DHTKD1: variants seen among roughly 807,000 people sequenced by gnomAD.
The protein encoded by DHTKD1 is dehydrogenase E1 and transketolase domain containing 1, also known as 2-oxoadipate dehydrogenase complex component E1.
In DHTKD1, 78 loss-of-function variants were observed where a neutral mutation model predicts 101.8. That is an observed-to-expected ratio of 0.77 (90% CI 0.64 to 0.93). DHTKD1 has a LOEUF of 0.93. Ranked by LOEUF, DHTKD1 falls within the 40% of genes least tolerant of loss-of-function variation. The pLI, the probability that DHTKD1 is intolerant of heterozygous loss-of-function variation, is 0.00. For missense variants in DHTKD1, 1,223 were observed against 1,161.7 expected, an observed-to-expected ratio of 1.05 and a Z score of -0.77; for synonymous variants, 462 against 450.3, an observed-to-expected ratio of 1.03 and a Z score of -0.33.
At chr10:12,090,409 T>C (rs200463852) in intron 5 of DHTKD1, among the ~76,000 whole-genome samples, 574 of 15,880 alleles carry the variant, frequency 0.036, 5 homozygotes, top group Middle Eastern at 0.1. Flanking sequence ...TCCTTCCTTT[T>C]TTCCTTCCTT....
At position 12,081,461 on chromosome 10, in the gene DHTKD1, C is replaced by T. The variant is rs756542628; in HGVS notation, c.155-11C>T. 4 of 1,612,764 alleles carry T rather than the reference C, an allele frequency of 2.5e-6. No homozygotes were observed. Among genetic ancestry groups the T allele is most frequent in the African/African-American group, 1.3e-5 (1 of 74,784 alleles). On this transcript the variant is annotated splice_polypyrimidine_tract_variant and intron_variant, in intron 1 of 16. Coordinates refer to ENST00000263035, the MANE Select transcript of DHTKD1 (RefSeq NM_018706.7). ...AAACTGTTTGCATTTTTAAATTTTCCCCTGATTTAGTTGATCATGGCCTTG... is the reference window on the plus strand; with the variant it reads ...AAACTGTTTGCATTTTTAAATTTTCTCCTGATTTAGTTGATCATGGCCTTG...
At chr10:12,105,391 C>G (rs572031689) in intron 10 of DHTKD1, among the ~76,000 whole-genome samples, 2 of 152,154 alleles carry the variant, frequency 1.3e-5, no homozygotes, top group South Asian at 4.2e-4. Flanking sequence ...TTATAGCTCA[C>G]TGTAGTTTCA....
intron 10 of DHTKD1, among the ~76,000 whole-genome samples, chr10:12,106,026 C>T (rs1334482305): frequency 3.9e-5 from 6 of 152,064 alleles, no homozygotes; most frequent in Non-Finnish European, 5.9e-5. Context: ...ACCTGGGAGG[C>T]GGAGGTTGCA....
At position 12,094,141 on chromosome 10, in the gene DHTKD1, C is replaced by T. The variant is rs397514534; in HGVS notation, c.1228C>T (p.Arg410Ter). 14 of 1,613,952 alleles carry T rather than the reference C, an allele frequency of 8.7e-6. No individual in the cohort carries two copies. Among genetic ancestry groups the T allele is most frequent in the African/African-American group, 1.3e-5 (1 of 74,900 alleles). The change falls in exon 7 of 17, where the codon CGA becomes TGA. Residue 410 changes from arginine to a stop codon, truncating the protein, a stop_gained. Coordinates refer to ENST00000263035, the MANE Select transcript of DHTKD1 (RefSeq NM_018706.7). LOFTEE classifies it high-confidence loss of function. ...DSPEEVVRAT[R>*]LAFEYQRQFR... ...CCCAGAGGAAGTGGTCCGTGCCACACGACTGGCTTTTGAATACCAACGCCA... is the reference window on the plus strand; with the variant it reads ...CCCAGAGGAAGTGGTCCGTGCCACATGACTGGCTTTTGAATACCAACGCCA...
chr10:12,087,349 C>A lies in DHTKD1; in HGVS notation c.523-186C>A, dbSNP rs1722444. Among the ~76,000 whole-genome samples, 11 of 152,176 alleles carry A rather than the reference C, an allele frequency of 7.2e-5. No individual in the cohort carries two copies. Among genetic ancestry groups the A allele is most frequent in the African/African-American group, 2.2e-4 (9 of 41,538 alleles). On this transcript the variant is annotated intron_variant, in intron 3 of 16. Coordinates refer to ENST00000263035, the MANE Select transcript of DHTKD1 (RefSeq NM_018706.7). The surrounding 1 kb of genome is among the most constrained non-coding windows in gnomAD (Gnocchi z 5.2). ...TTCTCCTCAGCCCCTCCTACTGTCC[C>A]GGATCCTAGGAAAACCATCCCGCTG...
At chr10:12,106,987 CTTTT>C (rs1184296488) in intron 11 of DHTKD1, among the ~76,000 whole-genome samples, 1 of 141,640 alleles carries the variant, frequency 7.1e-6, no homozygotes. Context: ...TTTTTCTTTT[CTTTT>C]TTTTTTTTTT....
chr10:12,095,263 A>G (rs1050681674), intron 7 of DHTKD1, among the ~76,000 whole-genome samples: 1 of 152,216 alleles, frequency 6.6e-6, no homozygotes, highest in African/African-American at 2.4e-5. Flanking sequence ...ATGTGCTGTA[A>G]GGATAATACA....
chr10:12,100,120 G>A, intron 8 of DHTKD1, 58 bp from the exon 9 acceptor site: 4 of 1,044,488 alleles, frequency 3.8e-6, no homozygotes, highest in Non-Finnish European at 4.3e-6. Context: ...TGTACTCATT[G>A]TGAAAAAGGA....
At chr10:12,092,769 C>G (rs912829242) in intron 6 of DHTKD1, among the ~76,000 whole-genome samples, 9 of 151,952 alleles carry the variant, frequency 5.9e-5, no homozygotes, top group African/African-American at 2.2e-4. Context: ...GGCCATTGCA[C>G]TACAGCGTGG....
At position 12,103,488 on chromosome 10, in the gene DHTKD1, AATCT is replaced by A. The variant is rs1483315256; in HGVS notation, c.1896+2308_1896+2311del. 1.2e-5 allele frequency among the ~76,000 whole-genome samples: 1 copy of A among 86,154 alleles called. No individual in the cohort carries two copies. 56.5% of individuals were successfully genotyped at this position (86,154 alleles called of 152,430 possible). A position where few individuals can be genotyped will look rare whatever the true frequency, so the allele number is the denominator to read the frequency against. On this transcript the variant is annotated intron_variant, in intron 10 of 16. Transcript: ENST00000263035. This position sits in a 1 kb window ranked among gnomAD's most constrained non-coding sequence, Gnocchi z 4.8. Reference sequence around the variant, plus strand: ...TTCCCCCAACTTCGTTGTACATCTCAATCTGTGTGTGTGTGTGTGTGTGTGTGTG... The same window carrying A: ...TTCCCCCAACTTCGTTGTACATCTCAGTGTGTGTGTGTGTGTGTGTGTGTG...
In DHTKD1 at chr10:12,120,251, A is replaced by C; in HGVS notation, c.2642A>C (p.Lys881Thr). The C allele has an allele frequency of 6.2e-7, 1 of 1,613,936 alleles. No homozygotes were observed. The highest frequency in any genetic ancestry group is 8.5e-7 in the Non-Finnish European group (1 of 1,179,900). Residue 881 changes from lysine (K) to threonine (T), a missense_variant, in exon 16 of 17, where the codon AAG becomes ACG. Transcript: ENST00000263035. Reference protein sequence around the residue: ...PWSFVSPRFEKQLACKLRLVG... With the variant: ...PWSFVSPRFETQLACKLRLVG... ...TCGTTTGTTTCTCCAAGGTTTGAAAAGCAGCTGGCCTGCAAGGTAATCACA... is the reference window on the plus strand; with the variant it reads ...TCGTTTGTTTCTCCAAGGTTTGAAACGCAGCTGGCCTGCAAGGTAATCACA...
Position 12,107,971 on chromosome 10 carries a change from G to T in DHTKD1, c.2110G>T (p.Ala704Ser), listed in dbSNP as rs1354505166. ...CCTCCTTCCACATGGCTACGATGGG[G>T]CTGGGCCAGACCACTCATCCTGTCG... is the stretch of plus-strand genomic sequence containing the variant. ...VILLPHGYDG[A>S]GPDHSSCRIE... Residue 704 changes from alanine to serine, a missense_variant, in exon 12 of 17, where the codon GCT becomes TCT. Physicochemically the swap from Ala to Ser is moderately conservative, Grantham distance 99. Transcript: ENST00000263035. This position sits in a 1 kb window ranked among gnomAD's most constrained non-coding sequence, Gnocchi z 4.1. The T allele has an allele frequency of 1.2e-6, 2 of 1,613,680 alleles. No individual in the cohort carries two copies. The highest frequency in any genetic ancestry group is 1.7e-6 in the Non-Finnish European group (2 of 1,179,634).
At chr10:12,084,083 C>T (rs944257181) in intron 2 of DHTKD1, among the ~76,000 whole-genome samples, 5 of 151,854 alleles carry the variant, frequency 3.3e-5, no homozygotes, top group South Asian at 2.1e-4. Flanking sequence ...CTACCATGCC[C>T]GGCTAATTTT....
chr10:12,110,696 C>T lies in DHTKD1; in HGVS notation c.2155-2204C>T, dbSNP rs930343996. 7.9e-5 allele frequency among the ~76,000 whole-genome samples: 12 copies of T among 151,966 alleles called. No individual in the cohort carries two copies. The highest frequency in any genetic ancestry group is 2.4e-4 in the African/African-American group (10 of 41,378). On this transcript the variant is annotated intron_variant, in intron 12 of 16. Coordinates refer to ENST00000263035, the MANE Select transcript of DHTKD1 (RefSeq NM_018706.7). This position sits in a 1 kb window ranked among gnomAD's most constrained non-coding sequence, Gnocchi z 4.9. ...CTTAGTAATTTTCAGGTATATAATA[C>T]GTTAACTACAGTTACCATCCTGTAC...
At chr10:12,081,238 C>T (rs1278798537) in intron 1 of DHTKD1, among the ~76,000 whole-genome samples, 1 of 139,298 alleles carries the variant, frequency 7.2e-6, no homozygotes. Flanking sequence ...TGTGCCACTG[C>T]ACTCCAGCCT....
At chr10:12,078,450 A>C (rs1832766555) in intron 1 of DHTKD1, among the ~76,000 whole-genome samples, 1 of 151,784 alleles carries the variant, frequency 6.6e-6, no homozygotes, top group Non-Finnish European at 1.5e-5. Context: ...AACCAACAAA[A>C]ACCCCACAAA....
intron 1 of DHTKD1, among the ~76,000 whole-genome samples, chr10:12,076,231 A>T (rs1327616590): frequency 2.6e-5 from 4 of 152,212 alleles, no homozygotes; most frequent in South Asian, 4.1e-4. Flanking sequence ...TAATCCCAGC[A>T]CTTTGGGAGG....
chr10:12,111,320 G>A (rs1028806232), intron 12 of DHTKD1, among the ~76,000 whole-genome samples: 3 of 151,934 alleles, frequency 2.0e-5, no homozygotes, highest in African/African-American at 7.2e-5. Flanking sequence ...CTTGTGCCAC[G>A]ATGCCCGGCT....
chr10:12,119,488 C>T (rs1176811837), intron 15 of DHTKD1, among the ~76,000 whole-genome samples: 41 of 150,704 alleles, frequency 2.7e-4, no homozygotes, highest in Non-Finnish European at 4.4e-4. Context: ...TGGTGGCGGG[C>T]GCCTGTAGTC....
Sources: allele counts gnomAD v4.1 joint callset (sites outside exome capture counted in the v4.1 genomes callset), GRCh38; gene constraint gnomAD v4.1.1; non-coding constraint Gnocchi (gnomAD v3.1); transcripts MANE v1.5; gene names NCBI Gene and HGNC (gene_info 2026-07-23, HGNC 2026-07-21).